The following PSMD1 variants were observed in gnomAD, a reference collection of about 807,000 sequenced individuals.
The protein encoded by PSMD1 is proteasome 26S subunit, non-ATPase 1.
Under a neutral mutation model 119.0 loss-of-function variants are expected in PSMD1, and 18 were observed. The observed-to-expected ratio is 0.15, with a 90% CI of 0.10 to 0.22. The LOEUF is 0.22. PSMD1 is among the 10% of genes least tolerant of loss of function. The probability of loss-of-function intolerance (pLI) is 1.00; values close to 1 mark genes in which losing one functional copy is unlikely to be tolerated. For synonymous variants in PSMD1, 374 were observed against 396.6 expected, an observed-to-expected ratio of 0.94 and a Z score of 0.68; for missense variants, 702 against 1,158.5, an observed-to-expected ratio of 0.61 and a Z score of 5.72.
At chr2:231,145,469 T>C (rs1454892456) in intron 17 of PSMD1, among the ~76,000 whole-genome samples, 1 of 152,214 alleles carries the variant, frequency 6.6e-6, no homozygotes, top group Non-Finnish European at 1.5e-5. Context: ...TATAATAGAC[T>C]TTATAAACAC....
At chr2:231,163,953 CAT>C (rs779271200) in intron 21 of PSMD1, among the ~76,000 whole-genome samples, 3 of 152,216 alleles carry the variant, frequency 2.0e-5, no homozygotes, top group Non-Finnish European at 4.4e-5. Context: ...TTTCTCTGCA[CAT>C]GTCAGTACTT....
At chr2:231,063,666 T>C (rs1693817625) in intron 4 of PSMD1, among the ~76,000 whole-genome samples, 1 of 152,248 alleles carries the variant, frequency 6.6e-6, no homozygotes. Context: ...AGTTACTTTA[T>C]TGCTGTTGGA....
At chr2:231,139,555 T>G (rs969895560) in intron 17 of PSMD1, among the ~76,000 whole-genome samples, 4 of 107,314 alleles carry the variant, frequency 3.7e-5, no homozygotes, top group Non-Finnish European at 7.1e-5. Flanking sequence ...CCCATTGATT[T>G]CTTAAAAAAA....
chr2:231,076,833 A>T (rs1694179993), intron 8 of PSMD1, among the ~76,000 whole-genome samples: 1 of 152,168 alleles, frequency 6.6e-6, no homozygotes, highest in African/African-American at 2.4e-5. Context: ...TTTACATCGA[A>T]AGCTAGCTGG....
At chr2:231,065,657 T>C (rs1200823738) in intron 4 of PSMD1, among the ~76,000 whole-genome samples, 1 of 152,200 alleles carries the variant, frequency 6.6e-6, no homozygotes, top group Non-Finnish European at 1.5e-5. Context: ...GTCCTTCTTT[T>C]GGTTGTACTT....
chr2:231,075,456 G>T, intron 7 of PSMD1, 55 bp from the exon 8 acceptor site: 1 of 1,478,312 alleles, frequency 6.8e-7, no homozygotes, highest in Non-Finnish European at 9.4e-7. Flanking sequence ...CAGATCTGTG[G>T]TATAAACAAA....
intron 17 of PSMD1, among the ~76,000 whole-genome samples, chr2:231,143,715 C>G (rs1195356970): frequency 6.6e-6 from 1 of 152,170 alleles, no homozygotes; most frequent in Non-Finnish European, 1.5e-5. Context: ...ACCTTTGATA[C>G]AGTGTATACA....
At chr2:231,161,608 TGA>T in intron 20 of PSMD1, 99 bp downstream of exon 20, 1 of 1,230,738 alleles carries the variant, frequency 8.1e-7, no homozygotes, top group Non-Finnish European at 1.1e-6. Flanking sequence ...ATTTTAAAGA[TGA>T]GTTAACATCT....
rs188836535 is a variant in PSMD1, at chr2:231,153,032, G to A, written c.2116-532G>A. On this transcript the variant is annotated intron_variant, in intron 18 of 24. Transcript: ENST00000308696. ...CATTCCGATACTCTCCTTTTGGTAC[G>A]AGTACACATTCTGACAAGTCCTCAG... is the stretch of plus-strand genomic sequence containing the variant. Among the ~76,000 whole-genome samples, 35 of 152,260 alleles carry A rather than the reference G, an allele frequency of 2.3e-4. No individual in the cohort carries two copies. The East Asian group carries it at 6.6e-3, about 28-fold the overall frequency.
At chr2:231,080,337 A>G (rs1694279137) in intron 12 of PSMD1, 23 bp downstream of exon 12, 5 of 1,511,904 alleles carry the variant, frequency 3.3e-6, no homozygotes, top group Admixed American at 1.9e-5. Flanking sequence ...ATGGAAAACT[A>G]AATTTCCAAA....
At chr2:231,073,381 G>C (rs1323263609) in intron 7 of PSMD1, among the ~76,000 whole-genome samples, 1 of 152,098 alleles carries the variant, frequency 6.6e-6, no homozygotes, top group Non-Finnish European at 1.5e-5. Flanking sequence ...TAAAACAAAG[G>C]TATGCCTATA....
rs1386433289 is a variant in PSMD1, at chr2:231,080,964, G to A, written c.1413+650G>A. On this transcript the variant is annotated intron_variant, in intron 12 of 24. Transcript: ENST00000308696. The stretch of plus-strand genomic sequence containing the variant: ...TTGAGACCAGCCTGGCCAACATGGT[G>A]AAACCCCATCTCTACTAAAAATACA... Among the ~76,000 whole-genome samples, 4 of 152,138 alleles carry A rather than the reference G, an allele frequency of 2.6e-5. No homozygotes were observed. In the East Asian group the frequency reaches 5.8e-4, roughly 22 times the overall value.
chr2:231,098,384 CTCTTT>C (rs1425373079), intron 16 of PSMD1, among the ~76,000 whole-genome samples: 1 of 152,132 alleles, frequency 6.6e-6, no homozygotes, highest in Non-Finnish European at 1.5e-5. Context: ...ATCTCTCTCT[CTCTTT>C]GAGTTTCTGT....
Position 231,169,881 on chromosome 2 carries a change from C to T in PSMD1, c.2716-685C>T, listed in dbSNP as rs191206516. Among the ~76,000 whole-genome samples the T allele has an allele frequency of 8.5e-5, 13 of 152,300 alleles. No homozygotes were observed. The East Asian group carries it at 2.5e-3, about 29-fold the overall frequency. On this transcript the variant is annotated intron_variant, in intron 23 of 24. Coordinates refer to ENST00000308696, the MANE Select transcript of PSMD1 (RefSeq NM_002807.4). The stretch of plus-strand genomic sequence containing the variant: ...GGCTTAATAGAATTGCTGCTACAGT[C>T]TACTTCCCTTTTGTTTCCCATGTAT...
intron 11 of PSMD1, 114 bp from the exon 12 acceptor site, chr2:231,080,027 C>T: frequency 2.2e-6 from 2 of 908,546 alleles, no homozygotes; most frequent in Non-Finnish European, 3.2e-6. Context: ...CCCACTACCT[C>T]CTTCTCTCTT....
At position 231,080,175 on chromosome 2, in the gene PSMD1, C is replaced by T. The variant is rs1263242991; in HGVS notation, c.1274C>T (p.Thr425Ile). Residue 425 changes from threonine (T) to isoleucine (I), a missense_variant, in exon 12 of 25, where the codon ACA (threonine) becomes ATA (isoleucine). Physicochemically the swap from Thr to Ile is moderately conservative, Grantham distance 89. Around this residue, in one of 9 missense-constraint regions of PSMD1, gnomAD observed 272 missense variants for 511.6 expected, o/e 0.53. Transcript: ENST00000308696. ...AAAGAAGCATTACAGTTAATGGCAA[C>T]ATACCTTCCCAAGGATACTTCTCCA... ...HEKEALQLMA[T>I]YLPKDTSPGS... is the part of the protein sequence containing the mutation. 6.2e-7 allele frequency: 1 copy of T among 1,613,674 alleles called. No homozygotes were observed. Among genetic ancestry groups the T allele is most frequent in the Admixed American group, 1.7e-5 (1 of 59,956 alleles).
At chr2:231,146,415 T>C (rs1696253587) in intron 18 of PSMD1, 59 bp downstream of exon 18, 1 of 1,342,858 alleles carries the variant, frequency 7.4e-7, no homozygotes, top group African/African-American at 1.4e-5. Flanking sequence ...TTTAGTAACT[T>C]ATCGTCTTTT....
chr2:231,060,958 T>G (rs1196473372), intron 1 of PSMD1, among the ~76,000 whole-genome samples: 3 of 152,194 alleles, frequency 2.0e-5, no homozygotes, highest in Non-Finnish European at 2.9e-5. Flanking sequence ...TCAGTAGGTC[T>G]GGAATGGGGC....
At chr2:231,074,286 A>G (rs913006127) in intron 7 of PSMD1, among the ~76,000 whole-genome samples, 1 of 151,958 alleles carries the variant, frequency 6.6e-6, no homozygotes, top group Non-Finnish European at 1.5e-5. Flanking sequence ...TTATATTGTT[A>G]GTAGAGACGG....
Sources: gnomAD v4.1 joint callset for allele counts (sites outside exome capture counted in the v4.1 genomes callset) on GRCh38, gnomAD v4.1.1 for gene constraint, gnomAD v4.1.1 regional missense constraint, MANE v1.5 for transcripts, NCBI Gene and HGNC (gene_info 2026-07-23, HGNC 2026-07-21) for gene names.